The following UNCX variants were observed in gnomAD, a reference collection of about 807,000 sequenced individuals.
The protein encoded by UNCX is homeobox protein unc-4 homolog.
A neutral mutation model predicts 14.8 loss-of-function variants in UNCX; 4 were observed. The observed-to-expected ratio is 0.27, with a 90% CI of 0.13 to 0.62. The LOEUF (loss-of-function observed/expected upper bound fraction) is 0.62. Ranked by LOEUF, UNCX falls within the 20% of genes least tolerant of loss-of-function variation. The pLI is 0.86. For missense variants in UNCX, 749 were observed against 786.8 expected, an observed-to-expected ratio of 0.95 and a Z score of 0.58; for synonymous variants, 459 against 395.8, an observed-to-expected ratio of 1.16 and a Z score of -1.90.
intron 2 of UNCX, among the ~76,000 whole-genome samples, chr7:1,234,946 G>A (rs4724799): frequency 0.6 from 91,713 of 151,810 alleles, 32,557 homozygotes; most frequent in Non-Finnish European, 0.8. Context: ...AGGACTGCCC[G>A]AGCTTCCGCG....
At position 1,236,122 on chromosome 7, in the gene UNCX, C is replaced by G; in HGVS notation, c.741C>G (p.Pro247=). 1 of 1,313,986 alleles carries G rather than the reference C, an allele frequency of 7.6e-7. No homozygotes were observed. Among genetic ancestry groups the G allele is most frequent in the Non-Finnish European group, 9.7e-7 (1 of 1,034,636 alleles). 81.4% of individuals were successfully genotyped at this position (1,313,986 alleles called of 1,614,324 possible). The part of the protein sequence containing the change: ...SGGGGLSPEP[P]EPPPPAAKGP... ...GCGGCGGCCTGTCTCCGGAGCCGCCCGAGCCGCCGCCGCCCGCCGCCAAGG... is the reference window on the plus strand; with the variant it reads ...GCGGCGGCCTGTCTCCGGAGCCGCCGGAGCCGCCGCCGCCCGCCGCCAAGG... Residue 247 remains proline (P), a synonymous_variant, in exon 3 of 3, where the codon CCC becomes CCG. Coordinates refer to ENST00000316333, the MANE Select transcript of UNCX (RefSeq NM_001080461.3). The surrounding 1 kb of genome is among the most constrained non-coding windows in gnomAD (Gnocchi z 6.9).
At position 1,233,705 on chromosome 7, in the gene UNCX, C is replaced by A. The variant is rs756324440; in HGVS notation, c.450+10C>A. On this transcript the variant is annotated intron_variant, in intron 2 of 2. Transcript: ENST00000316333. This position sits in a 1 kb window ranked among gnomAD's most constrained non-coding sequence, Gnocchi z 5.3. Reference sequence around the variant, plus strand: ...CGAGTCCCGAGTTCAGGTAAAGACCCGGCGTCGCTCCCGGATCTGCCATCC... The same window carrying A: ...CGAGTCCCGAGTTCAGGTAAAGACCAGGCGTCGCTCCCGGATCTGCCATCC... 2.4e-5 allele frequency: 38 copies of A among 1,583,956 alleles called. No individual in the cohort carries two copies. In the Admixed American group the frequency reaches 6.0e-4, roughly 25 times the overall value.
intron 2 of UNCX, among the ~76,000 whole-genome samples, chr7:1,235,015 C>T (rs1377199814): frequency 3.3e-5 from 5 of 152,158 alleles, no homozygotes; most frequent in Non-Finnish European, 7.3e-5. Context: ...GAGGGTGTAG[C>T]GCTGCCGTCC....
rs1778734164 is a variant in UNCX, at chr7:1,236,090, A to G, written c.709A>G (p.Ser237Gly). ...LHSAPSSDSD[S>G]GGGGLSPEPP... is the part of the protein sequence containing the mutation. ...CAGCGCGCCCAGCTCCGACAGCGACAGCGGCGGCGGCGGCCTGTCTCCGGA... is the reference window on the plus strand; with the variant it reads ...CAGCGCGCCCAGCTCCGACAGCGACGGCGGCGGCGGCGGCCTGTCTCCGGA... Residue 237 changes from serine (S) to glycine (G), a missense_variant, in exon 3 of 3, where the codon AGC (serine) becomes GGC (glycine). Around this residue, in one of 3 missense-constraint regions of UNCX, gnomAD observed 552 missense variants for 507.2 expected, o/e 1.09. Transcript: ENST00000316333. The surrounding 1 kb of genome is among the most constrained non-coding windows in gnomAD (Gnocchi z 6.9). The G allele has an allele frequency of 7.2e-6, 11 of 1,533,924 alleles. No homozygotes were observed. The highest frequency in any genetic ancestry group is 9.7e-6 in the Non-Finnish European group (11 of 1,139,610).
intron 2 of UNCX, among the ~76,000 whole-genome samples, chr7:1,235,105 G>T (rs1029225285): frequency 1.3e-5 from 2 of 152,208 alleles, no homozygotes; most frequent in Non-Finnish European, 1.5e-5. Context: ...CTCTCCTTCC[G>T]GCCTGGTGGT....
In UNCX at chr7:1,232,923, C is replaced by A; in HGVS notation, c.-95C>A. 1.6e-6 allele frequency: 1 copy of A among 638,516 alleles called. No individual in the cohort carries two copies. The highest frequency in any genetic ancestry group is 1.9e-6 in the Non-Finnish European group (1 of 515,218). The allele number at this position is 638,516 out of a possible 1,614,324, so 39.6% of individuals were successfully genotyped here. ...GTGTGGGGCTCCGGGTCCCTGTCTC[C>A]GCCGCCGCCGCCCGCGCCTCCCGCC... is the stretch of plus-strand genomic sequence containing the variant. On this transcript the variant is annotated 5_prime_UTR_variant, in exon 1 of 3. Coordinates refer to ENST00000316333, the MANE Select transcript of UNCX (RefSeq NM_001080461.3).
At position 1,236,733 on chromosome 7, in the gene UNCX, G is replaced by T; in HGVS notation, c.1352G>T (p.Gly451Val). 1.0e-6 allele frequency: 1 copy of T among 991,950 alleles called. No individual in the cohort carries two copies. The highest frequency in any genetic ancestry group is 1.2e-6 in the Non-Finnish European group (1 of 835,924). 61.4% of individuals were successfully genotyped at this position (991,950 alleles called of 1,614,324 possible). ...AGCCCCGACGCCGTCGCCTCCCCGG[G>T]GGCCCCAGCCCCGGCCCCGGCGCCT... is the stretch of plus-strand genomic sequence containing the variant. ...RRSPDAVASP[G>V]APAPAPAPFR... The change falls in exon 3 of 3, where the codon GGG (glycine) becomes GTG (valine). Residue 451 changes from glycine to valine, a missense_variant. Around this residue, in one of 3 missense-constraint regions of UNCX, gnomAD observed 552 missense variants for 507.2 expected, o/e 1.09. Coordinates refer to ENST00000316333, the MANE Select transcript of UNCX (RefSeq NM_001080461.3). The surrounding 1 kb of genome is among the most constrained non-coding windows in gnomAD (Gnocchi z 6.9).
intron 2 of UNCX, among the ~76,000 whole-genome samples, chr7:1,234,421 A>G (rs1320839729): frequency 6.6e-6 from 1 of 151,910 alleles, no homozygotes; most frequent in African/African-American, 2.4e-5. Flanking sequence ...TTCCAAGATG[A>G]TTTGTGCATA....
Position 1,236,763 on chromosome 7 carries a change from G to A in UNCX, c.1382G>A (p.Arg461Gln), listed in dbSNP as rs1391731923. 5.1e-6 allele frequency: 5 copies of A among 987,974 alleles called. No homozygotes were observed. In the East Asian group the frequency reaches 4.5e-4, roughly 88 times the overall value. 61.2% of individuals were successfully genotyped at this position (987,974 alleles called of 1,614,324 possible). Residue 461 changes from arginine (R) to glutamine (Q), a missense_variant, in exon 3 of 3, where the codon CGG becomes CAG. This residue lies in a region of UNCX where 552 missense variants were observed against 507.2 expected (regional missense o/e 1.09). Coordinates refer to ENST00000316333, the MANE Select transcript of UNCX (RefSeq NM_001080461.3). The surrounding 1 kb of genome is among the most constrained non-coding windows in gnomAD (Gnocchi z 6.9). ...CCAGCCCCGGCCCCGGCGCCTTTCC[G>A]GGACCTCGCCTCGGCAGCGGCTACC... is the stretch of plus-strand genomic sequence containing the variant. ...GAPAPAPAPF[R>Q]DLASAAATEG...
Position 1,237,107 on chromosome 7 carries a change from T to C in UNCX, c.*130T>C, listed in dbSNP as rs1207485889. On this transcript the variant is annotated 3_prime_UTR_variant, in exon 3 of 3. Transcript: ENST00000316333. The surrounding 1 kb of genome is among the most constrained non-coding windows in gnomAD (Gnocchi z 5.8). The stretch of plus-strand genomic sequence containing the variant: ...TTCTTTTCTTTTGTTTTCTTTCTTT[T>C]ATTATTTTTTTTAAGAGTAAACGAA... 32 of 890,474 alleles carry C rather than the reference T, an allele frequency of 3.6e-5. No individual in the cohort carries two copies. The East Asian group carries it at 6.9e-4, about 19-fold the overall frequency. 55.2% of individuals were successfully genotyped at this position (890,474 alleles called of 1,614,324 possible).
intron 2 of UNCX, among the ~76,000 whole-genome samples, chr7:1,234,750 C>CA (rs35439452): frequency 0.02 from 2,333 of 119,200 alleles, 83 homozygotes; most frequent in African/African-American, 0.058. Context: ...GAATTCGCAC[C>CA]AAAAAAAAAA....
chr7:1,235,539 G>C (rs1198608250), intron 2 of UNCX, among the ~76,000 whole-genome samples: 1 of 152,072 alleles, frequency 6.6e-6, no homozygotes, highest in African/African-American at 2.4e-5. Flanking sequence ...TCCGGGGCCA[G>C]ACCGGCCCCC....
rs1423016891 is a variant in UNCX, at chr7:1,233,248, C to A, written c.231C>A (p.Ala77=). The A allele has an allele frequency of 1.5e-6, 2 of 1,367,042 alleles. No homozygotes were observed. Among genetic ancestry groups the A allele is most frequent in the Non-Finnish European group, 9.4e-7 (1 of 1,066,456 alleles). The allele number at this position is 1,367,042 out of a possible 1,614,324, so 84.7% of individuals were successfully genotyped here. ...SVVNPTPLLP[A]ACGVGGDGQP... is the part of the protein sequence containing the mutation. Reference sequence around the variant, plus strand: ...TCAACCCCACGCCGCTGCTGCCAGCCGCCTGCGGGGTCGGCGGGGACGGCC... The same window carrying A: ...TCAACCCCACGCCGCTGCTGCCAGCAGCCTGCGGGGTCGGCGGGGACGGCC... Residue 77 remains alanine, a synonymous_variant, in exon 1 of 3, where the codon GCC becomes GCA. Transcript: ENST00000316333. The surrounding 1 kb of genome is among the most constrained non-coding windows in gnomAD (Gnocchi z 5.3).
Position 1,233,010 on chromosome 7 carries a change from C to CG in UNCX, c.-7dup. 1 of 1,217,688 alleles carries CG rather than the reference C, an allele frequency of 8.2e-7. No homozygotes were observed. Among genetic ancestry groups the CG allele is most frequent in the Non-Finnish European group, 1.0e-6 (1 of 977,054 alleles). 75.4% of individuals were successfully genotyped at this position (1,217,688 alleles called of 1,614,324 possible). On this transcript the variant is annotated 5_prime_UTR_variant, in exon 1 of 3. Coordinates refer to ENST00000316333, the MANE Select transcript of UNCX (RefSeq NM_001080461.3). This position sits in a 1 kb window ranked among gnomAD's most constrained non-coding sequence, Gnocchi z 5.3. The stretch of plus-strand genomic sequence containing the variant: ...CCCGCCACCGGCCCCGCCGGCCCCC[C>CG]GCGCGAGATGATGGACGGCCGCCTC...
rs151119092 is a variant in UNCX at position 1,236,015 on chromosome 7, C to T, written c.634C>T (p.Leu212=). Residue 212 remains leucine, a synonymous_variant, in exon 3 of 3, where the codon CTG becomes TTG. Coordinates refer to ENST00000316333, the MANE Select transcript of UNCX (RefSeq NM_001080461.3). The surrounding 1 kb of genome is among the most constrained non-coding windows in gnomAD (Gnocchi z 6.9). The part of the protein sequence containing the change: ...KKKRKHEKKL[L]KSQGRHLHSP... ...GAAGCGCAAGCACGAGAAGAAGCTGCTGAAGAGCCAGGGCCGCCACTTGCA... is the reference window on the plus strand; with the variant it reads ...GAAGCGCAAGCACGAGAAGAAGCTGTTGAAGAGCCAGGGCCGCCACTTGCA... 1.2e-3 allele frequency: 1,983 copies of T among 1,606,972 alleles called. 19 individuals are homozygous for T. In the African/African-American group the frequency reaches 0.023, roughly 18 times the overall value.
At position 1,233,492 on chromosome 7, in the gene UNCX, C is replaced by A; in HGVS notation, c.275-28C>A. On this transcript the variant is annotated intron_variant, in intron 1 of 2. Transcript: ENST00000316333. This position sits in a 1 kb window ranked among gnomAD's most constrained non-coding sequence, Gnocchi z 5.3. The stretch of plus-strand genomic sequence containing the variant: ...GGTCGGGCCTGGGCCGGTGGCTGAG[C>A]CGCGCTGCGTCCTGTGACTGCCCGC... The A allele has an allele frequency of 6.3e-7, 1 of 1,584,906 alleles. No homozygotes were observed. The highest frequency in any genetic ancestry group is 2.3e-5 in the East Asian group (1 of 43,482).
At position 1,236,311 on chromosome 7, in the gene UNCX, C is replaced by T; in HGVS notation, c.930C>T (p.Cys310=). The part of the protein sequence containing the change: ...GRPADKDAAS[C]GPGAAVAAVE... ...CTGCGGACAAGGACGCGGCCTCGTGCGGGCCAGGGGCCGCTGTGGCGGCGG... is the reference window on the plus strand; with the variant it reads ...CTGCGGACAAGGACGCGGCCTCGTGTGGGCCAGGGGCCGCTGTGGCGGCGG... Residue 310 remains cysteine, a synonymous_variant, in exon 3 of 3, where the codon TGC becomes TGT. Transcript: ENST00000316333. This position sits in a 1 kb window ranked among gnomAD's most constrained non-coding sequence, Gnocchi z 6.9. The T allele has an allele frequency of 2.2e-6, 3 of 1,344,076 alleles. No homozygotes were observed. Among genetic ancestry groups the T allele is most frequent in the Admixed American group, 3.3e-5 (1 of 30,584 alleles). The allele number at this position is 1,344,076 out of a possible 1,614,324, so 83.3% of individuals were successfully genotyped here.
rs1260324650 is a variant in UNCX, at chr7:1,236,003, GAGA to G, written c.628_630del (p.Lys210del). On this transcript the variant is annotated inframe_deletion, in exon 3 of 3. Transcript: ENST00000316333. The surrounding 1 kb of genome is among the most constrained non-coding windows in gnomAD (Gnocchi z 6.9). ...GATGGAGAAGAAGAAGCGCAAGCAC[GAGA>G]AGAAGCTGCTGAAGAGCCAGGGCCG... is the stretch of plus-strand genomic sequence containing the variant. The G allele has an allele frequency of 2.5e-6, 4 of 1,608,504 alleles. No individual in the cohort carries two copies. In the Admixed American group the frequency reaches 5.0e-5, roughly 20 times the overall value.
In UNCX at chr7:1,235,848, G is replaced by T. The variant is rs1778728184; in HGVS notation, c.467G>T (p.Arg156Leu). The T allele has an allele frequency of 6.2e-7, 1 of 1,610,918 alleles. No individual in the cohort carries two copies. The highest frequency in any genetic ancestry group is 8.5e-7 in the Non-Finnish European group (1 of 1,179,406). ...ESRVQVWFQN[R>L]RAKWRKKENT... Reference sequence around the variant, plus strand: ...CTGCTCTAGGTCTGGTTCCAAAACCGCCGGGCCAAGTGGAGGAAGAAGGAG... The same window carrying T: ...CTGCTCTAGGTCTGGTTCCAAAACCTCCGGGCCAAGTGGAGGAAGAAGGAG... The change falls in exon 3 of 3, where the codon CGC (arginine) becomes CTC (leucine). Residue 156 changes from arginine to leucine, a missense_variant. Arg to Leu is a moderately radical substitution (Grantham distance 102). Coordinates refer to ENST00000316333, the MANE Select transcript of UNCX (RefSeq NM_001080461.3).
Sources: allele counts gnomAD v4.1 joint callset (sites outside exome capture counted in the v4.1 genomes callset), GRCh38; gene constraint gnomAD v4.1.1; regional missense constraint gnomAD v4.1.1; non-coding constraint Gnocchi (gnomAD v3.1); transcripts MANE v1.5; gene names NCBI Gene and HGNC (gene_info 2026-07-23, HGNC 2026-07-21).